FBXW12: variants seen among roughly 807,000 people sequenced by gnomAD.
FBXW12 encodes F-box and WD repeat domain containing 12, also known as F-box/WD repeat-containing protein 12.
A neutral mutation model predicts 55.3 loss-of-function variants in FBXW12; 43 were observed. That is an observed-to-expected ratio of 0.78 (90% confidence interval 0.61 to 1.00). FBXW12 has a LOEUF of 1.00. Among genes scored for constraint, FBXW12 ranks in the 50% least tolerant of loss-of-function variants. FBXW12 has a pLI of 0.00. For missense variants in FBXW12, 524 were observed against 560.5 expected (o/e 0.93, Z 0.66); for synonymous variants, 184 against 203.8 (o/e 0.90, Z 0.83).
chr3:48,374,270 T>C (rs6442115), intron 4 of FBXW12, among the ~76,000 whole-genome samples: 148,672 of 151,870 alleles, frequency 0.98, 72,870 homozygotes, highest in Middle Eastern at 1. Context: ...TCAAGAGATC[T>C]TCCTGCCTCA....
chr3:48,372,599 C>A, intron 1 of FBXW12, 85 bp from the exon 2 acceptor site: 2 of 1,479,964 alleles, frequency 1.4e-6, no homozygotes, highest in Admixed American at 2.1e-5. Context: ...GGGGAGAGGC[C>A]GGGGTGGAGG....
At chr3:48,380,943 T>G in intron 8 of FBXW12, 31 bp downstream of exon 8, 1 of 1,570,648 alleles carries the variant, frequency 6.4e-7, no homozygotes, top group East Asian at 2.2e-5. Context: ...AACGCTTGTT[T>G]CTCTTCCTCA....
chr3:48,378,300 T>A lies in FBXW12; in HGVS notation c.406-17T>A, dbSNP rs780886921. The A allele has an allele frequency of 1.2e-6, 2 of 1,602,444 alleles. No individual in the cohort carries two copies. Reference sequence around the variant, plus strand: ...AAGGGTTCCTTGAACACAGGTCGTGTTACTCTCGTTTTCTAGGGTACCATG... The same window carrying A: ...AAGGGTTCCTTGAACACAGGTCGTGATACTCTCGTTTTCTAGGGTACCATG... On this transcript the variant is annotated splice_polypyrimidine_tract_variant and intron_variant, in intron 5 of 10. Transcript: ENST00000296438.
chr3:48,383,737 A>C (rs2036809588), intron 10 of FBXW12, among the ~76,000 whole-genome samples: 1 of 152,178 alleles, frequency 6.6e-6, no homozygotes, highest in Non-Finnish European at 1.5e-5. Flanking sequence ...TTTTGAGTTA[A>C]ATTTTGTAAG....
In FBXW12 at chr3:48,380,883, A is replaced by C; in HGVS notation, c.956A>C (p.Lys319Thr). 6.2e-7 allele frequency: 1 copy of C among 1,614,062 alleles called. No homozygotes were observed. Among genetic ancestry groups the C allele is most frequent in the Non-Finnish European group, 8.5e-7 (1 of 1,180,034 alleles). Reference protein sequence around the residue: ...TEFITFDLTTKKTGGQTVIQA... With the variant: ...TEFITFDLTTTKTGGQTVIQA... ...TTTATCACCTTTGATCTAACAACCA[A>C]GAAGACTGGAGGCCAAACAGTCATC... The change falls in exon 8 of 11, where the codon AAG (lysine) becomes ACG (threonine). Residue 319 changes from lysine to threonine, a missense_variant. By Grantham distance (78) the Lys-to-Thr change is moderately conservative. Coordinates refer to ENST00000296438, the MANE Select transcript of FBXW12 (RefSeq NM_207102.2).
intron 7 of FBXW12, 40 bp from the exon 8 acceptor site, chr3:48,380,662 A>G (rs2036752204): frequency 6.7e-7 from 1 of 1,482,398 alleles, no homozygotes; most frequent in East Asian, 2.3e-5. Flanking sequence ...AGAGGCTATA[A>G]GTTCCCTGCC....
At chr3:48,384,392 C>T (rs2036817088) in intron 10 of FBXW12, among the ~76,000 whole-genome samples, 1 of 152,204 alleles carries the variant, frequency 6.6e-6, no homozygotes, top group African/African-American at 2.4e-5. Context: ...TTGTATCCCG[C>T]AACCTTGCTA....
At chr3:48,389,095 T>C (rs961144269) in intron 10 of FBXW12, among the ~76,000 whole-genome samples, 3 of 152,162 alleles carry the variant, frequency 2.0e-5, no homozygotes. Context: ...TTAGATTCCA[T>C]GTATAAGTGA....
At chr3:48,373,438 T>TGA in intron 3 of FBXW12, 93 bp downstream of exon 3, 2 of 1,609,902 alleles carry the variant, frequency 1.2e-6, no homozygotes, top group Non-Finnish European at 1.7e-6. Flanking sequence ...GGCTGTGTTG[T>TGA]GAGATATACA....
intron 10 of FBXW12, among the ~76,000 whole-genome samples, chr3:48,382,814 C>A (rs535937227): frequency 2.0e-5 from 3 of 152,300 alleles, no homozygotes; most frequent in East Asian, 3.9e-4. Context: ...ACATTTTCTT[C>A]CAGATTATTG....
At chr3:48,394,408 T>C in intron 10 of FBXW12, 152 bp from the exon 11 acceptor site, 3 of 573,138 alleles carry the variant, frequency 5.2e-6, no homozygotes, top group Non-Finnish European at 9.1e-6. Flanking sequence ...TTTCCCTGAT[T>C]TTATGTAGTT....
intron 1 of FBXW12, 144 bp downstream of exon 1, chr3:48,372,464 G>T: frequency 8.8e-7 from 1 of 1,140,504 alleles, no homozygotes; most frequent in Non-Finnish European, 1.3e-6. Flanking sequence ...TGCAACTGGG[G>T]CTGCCCCAGG....
chr3:48,390,124 G>A (rs1292799692), intron 10 of FBXW12, among the ~76,000 whole-genome samples: 1 of 152,164 alleles, frequency 6.6e-6, no homozygotes, highest in East Asian at 1.9e-4. Context: ...ATAGCCTATA[G>A]TATAGTTTGA....
Position 48,375,486 on chromosome 3 carries a change from A to G in FBXW12, c.405+14A>G, listed in dbSNP as rs770723020. Reference sequence around the variant, plus strand: ...GATGTGCAAGAGGTGAGTCTGGCCAATATGTGGCAAAAGTACTGCATATTT... The same window carrying G: ...GATGTGCAAGAGGTGAGTCTGGCCAGTATGTGGCAAAAGTACTGCATATTT... On this transcript the variant is annotated intron_variant, in intron 5 of 10. Coordinates refer to ENST00000296438, the MANE Select transcript of FBXW12 (RefSeq NM_207102.2). 1 of 1,473,270 alleles carries G rather than the reference A, an allele frequency of 6.8e-7. No individual in the cohort carries two copies. Among genetic ancestry groups the G allele is most frequent in the Non-Finnish European group, 9.4e-7 (1 of 1,065,460 alleles). 91.3% of individuals were successfully genotyped at this position (1,473,270 alleles called of 1,614,324 possible).
At position 48,372,894 on chromosome 3, in the gene FBXW12, G is replaced by A. The variant is rs776799400; in HGVS notation, c.90+37G>A. The A allele has an allele frequency of 2.2e-5, 35 of 1,584,744 alleles. 1 individual carries two copies. In the Middle Eastern group the frequency reaches 5.0e-4, roughly 22 times the overall value. ...CCACCTCCCACTGCCCCCCAAGCCC[G>A]CTGCTTCTCTCGACCAGTTTGAGCA... On this transcript the variant is annotated intron_variant, in intron 2 of 10. Transcript: ENST00000296438.
chr3:48,373,012 A>G (rs552031107), intron 2 of FBXW12, among the ~76,000 whole-genome samples, 155 bp downstream of exon 2: 13 of 152,190 alleles, frequency 8.5e-5, no homozygotes, highest in Non-Finnish European at 1.5e-4. Flanking sequence ...CGAAAAGGAC[A>G]AGCTGATATC....
At chr3:48,382,332 G>A (rs2036789675) in intron 10 of FBXW12, among the ~76,000 whole-genome samples, 1 of 152,114 alleles carries the variant, frequency 6.6e-6, no homozygotes, top group Non-Finnish European at 1.5e-5. Flanking sequence ...GGCCAGGATG[G>A]TCTCGATCTC....
At chr3:48,381,593 TG>T in intron 8 of FBXW12, 106 bp from the exon 9 acceptor site, 1 of 1,251,386 alleles carries the variant, frequency 8.0e-7, no homozygotes, top group Non-Finnish European at 1.1e-6. Flanking sequence ...TCTGTGGAAG[TG>T]GGGACTATGC....
chr3:48,393,807 A>C (rs11712561), intron 10 of FBXW12, among the ~76,000 whole-genome samples: 89,393 of 146,372 alleles, frequency 0.61, 27,543 homozygotes, highest in African/African-American at 0.72. Context: ...GAGATGGAAT[A>C]TTGCTGTGTC....
Sources: gnomAD v4.1 joint callset for allele counts (sites outside exome capture counted in the v4.1 genomes callset) on GRCh38, gnomAD v4.1.1 for gene constraint, MANE v1.5 for transcripts, NCBI Gene and HGNC (gene_info 2026-07-23, HGNC 2026-07-21) for gene names.